DTNB: variants seen among roughly 807,000 people sequenced by gnomAD.
The protein encoded by DTNB is DTN-B.
Under a neutral mutation model 90.7 loss-of-function variants are expected in DTNB, and 63 were observed. The observed-to-expected ratio is 0.69, with a 90% CI of 0.57 to 0.86. DTNB has a LOEUF of 0.86. DTNB is among the 40% of genes least tolerant of loss of function. The pLI, the probability that DTNB is intolerant of heterozygous loss-of-function variation, is 0.00. For synonymous variants in DTNB, 277 were observed against 286.7 expected (o/e 0.97, Z 0.34); for missense variants, 744 against 807.1 (o/e 0.92, Z 0.95).
At chr2:25,642,696 G>A (rs1256258272) in intron 2 of DTNB, among the ~76,000 whole-genome samples, 1 of 152,098 alleles carries the variant, frequency 6.6e-6, no homozygotes, top group Non-Finnish European at 1.5e-5. Context: ...ATAGGCATGA[G>A]CCACCATGCC....
intron 15 of DTNB, among the ~76,000 whole-genome samples, chr2:25,420,517 T>A (rs577674433): frequency 1.1e-5 from 1 of 88,072 alleles, no homozygotes; most frequent in Non-Finnish European, 3.3e-5. Context: ...TATCTATCTA[T>A]CTATCTGTCT....
intron 10 of DTNB, among the ~76,000 whole-genome samples, chr2:25,462,710 T>G (rs892090390): frequency 2.7e-4 from 41 of 149,206 alleles, no homozygotes; most frequent in African/African-American, 8.5e-4. Flanking sequence ...AGAACACTCT[T>G]TTTTTTTTTT....
chr2:25,427,180 AACACACAC>A (rs3041256), intron 15 of DTNB, among the ~76,000 whole-genome samples: 1,505 of 139,640 alleles, frequency 0.011, 26 homozygotes, highest in African/African-American at 0.032. Flanking sequence ...TCCATCTCAA[AACACACAC>A]ACACACACAC....
At chr2:25,389,296 T>C (rs4665292) in intron 16 of DTNB, among the ~76,000 whole-genome samples, 152,087 of 152,386 alleles carry the variant, frequency 1, 75,895 homozygotes, top group Middle Eastern at 1. Context: ...TGACCCCACT[T>C]CCTGCAGGGC....
chr2:25,633,885 G>C (rs867946499), intron 3 of DTNB, among the ~76,000 whole-genome samples: 1 of 151,690 alleles, frequency 6.6e-6, no homozygotes, highest in East Asian at 2.0e-4. Context: ...GAGGTGAGGA[G>C]CGTCTCTGCC....
Position 25,504,314 on chromosome 2 carries a change from AAG to A in DTNB, c.1002-21443_1002-21442del, listed in dbSNP as rs1417922164. Reference sequence around the variant, plus strand: ...AAGGAAAGAAAGAAGGAAAGAAAGAAAGAAGGGAAGAAAGAAAGAAGGAAGGA... The same window carrying A: ...AAGGAAAGAAAGAAGGAAAGAAAGAAAAGGGAAGAAAGAAAGAAGGAAGGA... On this transcript the variant is annotated intron_variant, in intron 9 of 20. Transcript: ENST00000406818. Among the ~76,000 whole-genome samples the A allele has an allele frequency of 1.0e-3, 155 of 150,996 alleles. 3 individuals carry two copies. Among genetic ancestry groups the A allele is most frequent in the Non-Finnish European group, 1.1e-3 (75 of 67,720 alleles).
At chr2:25,652,885 T>G in intron 1 of DTNB, 1 of 405,124 alleles carries the variant, frequency 2.5e-6, no homozygotes, top group Non-Finnish European at 4.4e-6. Context: ...TATGAGCTCA[T>G]ACACTTGCTT....
At chr2:25,597,554 G>A (rs182020095) in intron 5 of DTNB, among the ~76,000 whole-genome samples, 1 of 152,102 alleles carries the variant, frequency 6.6e-6, no homozygotes, top group Admixed American at 6.5e-5. Flanking sequence ...GATCCACAGG[G>A]CAATTTTTAA....
intron 1 of DTNB, among the ~76,000 whole-genome samples, chr2:25,658,945 A>G (rs542499576): frequency 6.6e-6 from 1 of 152,248 alleles, no homozygotes; most frequent in South Asian, 2.1e-4. Flanking sequence ...TGTATTTTGT[A>G]CAGACAGGGT....
chr2:25,483,622 AT>A (rs748514308), intron 9 of DTNB, among the ~76,000 whole-genome samples: 10 of 152,126 alleles, frequency 6.6e-5, no homozygotes, highest in Non-Finnish European at 1.2e-4. Flanking sequence ...ACTCAGGTCC[AT>A]TTCTCCTTCT....
intron 9 of DTNB, among the ~76,000 whole-genome samples, chr2:25,512,444 T>C (rs1436318926): frequency 6.6e-6 from 1 of 152,232 alleles, no homozygotes; most frequent in Non-Finnish European, 1.5e-5. Context: ...ACATGGAATC[T>C]GCCAGGCACT....
chr2:25,590,801 G>A (rs895163815), intron 6 of DTNB, among the ~76,000 whole-genome samples: 2 of 152,246 alleles, frequency 1.3e-5, no homozygotes, highest in Middle Eastern at 3.4e-3. Context: ...CTAGCAGCCC[G>A]ACCCCCAGGC....
intron 11 of DTNB, among the ~76,000 whole-genome samples, chr2:25,453,571 A>T (rs1039735607): frequency 6.6e-6 from 1 of 152,188 alleles, no homozygotes; most frequent in Non-Finnish European, 1.5e-5. Context: ...CATAAATCTT[A>T]TTGGGCTAAA....
At chr2:25,449,597 C>T (rs898263907) in intron 12 of DTNB, among the ~76,000 whole-genome samples, 3 of 152,040 alleles carry the variant, frequency 2.0e-5, no homozygotes, top group African/African-American at 4.8e-5. Context: ...TGCTTATTGG[C>T]CACTGGCATA....
intron 10 of DTNB, among the ~76,000 whole-genome samples, chr2:25,468,488 T>C (rs1298599658): frequency 2.0e-5 from 3 of 152,138 alleles, no homozygotes; most frequent in Non-Finnish European, 2.9e-5. Flanking sequence ...TATGTAAGTC[T>C]ACAAAACGAC....
intron 8 of DTNB, among the ~76,000 whole-genome samples, chr2:25,536,935 G>C (rs1329503841): frequency 6.6e-6 from 1 of 152,056 alleles, no homozygotes; most frequent in Non-Finnish European, 1.5e-5. Context: ...TAGATACGGG[G>C]TTTCACCTGG....
At chr2:25,601,709 G>A (rs2065923517) in intron 5 of DTNB, among the ~76,000 whole-genome samples, 1 of 152,042 alleles carries the variant, frequency 6.6e-6, no homozygotes, top group Non-Finnish European at 1.5e-5. Flanking sequence ...GACTCTCATC[G>A]CCTGTCATCT....
At chr2:25,404,718 G>C (rs904283568) in intron 16 of DTNB, among the ~76,000 whole-genome samples, 15 of 152,042 alleles carry the variant, frequency 9.9e-5, no homozygotes, top group African/African-American at 2.7e-4. Flanking sequence ...AGCCAGGCGT[G>C]GTGGCACGCG....
chr2:25,542,885 T>C (rs1054303221), intron 8 of DTNB, among the ~76,000 whole-genome samples: 5 of 152,166 alleles, frequency 3.3e-5, no homozygotes, highest in Non-Finnish European at 5.9e-5. Flanking sequence ...TTTTTGAGGC[T>C]TCCTTTATGT....
Sources: gnomAD v4.1 joint callset for allele counts (sites outside exome capture counted in the v4.1 genomes callset) on GRCh38, gnomAD v4.1.1 for gene constraint, MANE v1.5 for transcripts, NCBI Gene and HGNC (gene_info 2026-07-23, HGNC 2026-07-21) for gene names.